Variants in INPP4A observed in about 807,000 individuals in gnomAD.
The protein encoded by INPP4A is inositol polyphosphate-4-phosphatase, type I, 107kD.
Under a neutral mutation model 119.8 loss-of-function variants are expected in INPP4A, and 33 were observed. That is an observed-to-expected ratio of 0.28 (90% CI 0.21 to 0.37). The LOEUF (loss-of-function observed/expected upper bound fraction) is 0.37. Ranked by LOEUF, INPP4A falls within the 10% of genes least tolerant of loss-of-function variation. The pLI, the probability that INPP4A is intolerant of heterozygous loss-of-function variation, is 1.00. For synonymous variants in INPP4A, 496 were observed against 500.7 expected, an observed-to-expected ratio of 0.99 and a Z score of 0.12; for missense variants, 956 against 1,289.9, an observed-to-expected ratio of 0.74 and a Z score of 3.97.
chr2:98,487,236 A>T (rs1679746875), intron 1 of INPP4A, among the ~76,000 whole-genome samples: 1 of 152,164 alleles, frequency 6.6e-6, no homozygotes, highest in African/African-American at 2.4e-5. Context: ...CCTAGTTTTT[A>T]ACCTAATTGT....
At position 98,565,766 on chromosome 2, in the gene INPP4A, G is replaced by A; in HGVS notation, c.2279G>A (p.Arg760His). The part of the protein sequence containing the change: ...ADMLPVITGN[R>H]DGFNVRVPLP... ...ATGCTGCCCGTCATCACAGGAAATC[G>A]GTAGAGTGTTGGTTTAAAATTCTCT... The change falls in exon 20 of 25, where the codon CGC (arginine) becomes CAC (histidine). Residue 760 changes from arginine to histidine, a missense_variant and splice_region_variant. Coordinates refer to ENST00000409851, the MANE Select transcript of INPP4A (RefSeq NM_001134225.2). 6.2e-7 allele frequency: 1 copy of A among 1,611,468 alleles called. No homozygotes were observed. The highest frequency in any genetic ancestry group is 8.5e-7 in the Non-Finnish European group (1 of 1,179,150).
intron 16 of INPP4A, among the ~76,000 whole-genome samples, chr2:98,557,724 G>A (rs1410239726): frequency 6.6e-6 from 1 of 152,268 alleles, no homozygotes; most frequent in Non-Finnish European, 1.5e-5. Flanking sequence ...AGAGAGCACT[G>A]TCTGGCAGGT....
In INPP4A at chr2:98,549,406, G is replaced by A. The variant is rs149199779; in HGVS notation, c.1163+2712G>A. Among the ~76,000 whole-genome samples, 344 of 152,282 alleles carry A rather than the reference G, an allele frequency of 2.3e-3. 2 individuals carry two copies. Among genetic ancestry groups the A allele is most frequent in the African/African-American group, 7.9e-3 (330 of 41,542 alleles). ...TGAAGCCAGCCTACATCTTCATGAT[G>A]CTTATTAATTTATGCTGATTTTAAT... On this transcript the variant is annotated intron_variant, in intron 13 of 24. Transcript: ENST00000409851.
chr2:98,486,320 A>G (rs1271728342), intron 1 of INPP4A, among the ~76,000 whole-genome samples: 1 of 152,216 alleles, frequency 6.6e-6, no homozygotes, highest in Non-Finnish European at 1.5e-5. Flanking sequence ...TGGGGTCCCA[A>G]AAGTCTAGGA....
chr2:98,498,413 A>G (rs1283740167), intron 1 of INPP4A, among the ~76,000 whole-genome samples: 2 of 152,054 alleles, frequency 1.3e-5, no homozygotes, highest in Non-Finnish European at 2.9e-5. Context: ...CCCCAACCAC[A>G]TGGAACTGAG....
chr2:98,463,258 G>C (rs74440622), intron 1 of INPP4A, among the ~76,000 whole-genome samples: 1 of 152,208 alleles, frequency 6.6e-6, no homozygotes, highest in African/African-American at 2.4e-5. Context: ...CCTATCAAGC[G>C]GCCAACTCAA....
intron 1 of INPP4A, among the ~76,000 whole-genome samples, chr2:98,465,395 G>A (rs1674529667): frequency 6.6e-6 from 1 of 152,234 alleles, no homozygotes; most frequent in African/African-American, 2.4e-5. Flanking sequence ...AAGGACATTT[G>A]TGATGGCATT....
intron 16 of INPP4A, among the ~76,000 whole-genome samples, chr2:98,557,885 C>T (rs759161043): frequency 3.4e-4 from 52 of 151,228 alleles, no homozygotes; most frequent in Admixed American, 5.9e-4. Context: ...GCACCACTAT[C>T]GCCCCACCAG....
intron 1 of INPP4A, among the ~76,000 whole-genome samples, chr2:98,482,920 A>AGAGG (rs1678772517): frequency 6.6e-6 from 1 of 152,244 alleles, no homozygotes; most frequent in Non-Finnish European, 1.5e-5. Context: ...TTCAGAGGAA[A>AGAGG]TGCTTATTGG....
rs781246959 is a variant in INPP4A, at chr2:98,587,638, A to G, written c.*30A>G. 20 of 1,564,772 alleles carry G rather than the reference A, an allele frequency of 1.3e-5. No homozygotes were observed. The Admixed American group carries it at 1.8e-4, about 14-fold the overall frequency. The stretch of plus-strand genomic sequence containing the variant: ...ACGGTTTCCTCTAATTAGCTGTTAC[A>G]TAATAAATGTGGGTACCCTCTAGTG... On this transcript the variant is annotated 3_prime_UTR_variant, in exon 25 of 25. Coordinates refer to ENST00000409851, the MANE Select transcript of INPP4A (RefSeq NM_001134225.2).
At chr2:98,444,693 A>C (rs1054482849), upstream of INPP4A, among the ~76,000 whole-genome samples, 12 of 152,168 alleles carry the variant, frequency 7.9e-5, no homozygotes, top group Non-Finnish European at 1.3e-4. Context: ...TCTTGTGGGA[A>C]CCTAGCAGTA....
intron 1 of INPP4A, among the ~76,000 whole-genome samples, chr2:98,513,895 C>T (rs1247533951): frequency 2.0e-5 from 3 of 152,198 alleles, no homozygotes; most frequent in African/African-American, 7.2e-5. Flanking sequence ...AGAAAGTCCT[C>T]CTAGGTGCCC....
intron 16 of INPP4A, among the ~76,000 whole-genome samples, chr2:98,558,757 G>T (rs942352664): frequency 2.0e-5 from 3 of 152,152 alleles, no homozygotes; most frequent in Admixed American, 6.5e-5. Flanking sequence ...AGAAATTTTG[G>T]TTTTTAAGGG....
chr2:98,471,639 G>C (rs1676032718), intron 1 of INPP4A, among the ~76,000 whole-genome samples: 1 of 152,194 alleles, frequency 6.6e-6, no homozygotes, highest in Admixed American at 6.5e-5. Context: ...AGTAGACTGT[G>C]TAGATTTGAA....
intron 4 of INPP4A, among the ~76,000 whole-genome samples, chr2:98,531,858 G>A (rs1437577724): frequency 1.3e-5 from 2 of 152,218 alleles, no homozygotes; most frequent in Non-Finnish European, 2.9e-5. Context: ...ATTCCAGATG[G>A]ACGTTCACCA....
At chr2:98,526,276 G>T (rs537547316) in intron 4 of INPP4A, among the ~76,000 whole-genome samples, 13 of 152,278 alleles carry the variant, frequency 8.5e-5, no homozygotes, top group African/African-American at 2.9e-4. Context: ...TGAAAAAGTT[G>T]TGCTATCTTG....
intron 10 of INPP4A, among the ~76,000 whole-genome samples, chr2:98,543,569 GCTT>G (rs1377873195): frequency 1.3e-5 from 2 of 152,218 alleles, no homozygotes; most frequent in Non-Finnish European, 2.9e-5. Context: ...TCAGGGTAAA[GCTT>G]CTCCCTAGCA....
chr2:98,578,884 A>C (rs1001377878), intron 24 of INPP4A, among the ~76,000 whole-genome samples: 7 of 152,260 alleles, frequency 4.6e-5, no homozygotes, highest in Non-Finnish European at 1.0e-4. Context: ...TGTCTAGATA[A>C]GAGACATGCG....
intron 1 of INPP4A, among the ~76,000 whole-genome samples, chr2:98,472,868 T>A (rs1018226068): frequency 6.6e-6 from 1 of 152,192 alleles, no homozygotes; most frequent in African/African-American, 2.4e-5. Flanking sequence ...CTCCATGAGG[T>A]GCTCTTTCCT....
Sources: gnomAD v4.1 joint callset for allele counts (sites outside exome capture counted in the v4.1 genomes callset) on GRCh38, gnomAD v4.1.1 for gene constraint, MANE v1.5 for transcripts, NCBI Gene and HGNC (gene_info 2026-07-23, HGNC 2026-07-21) for gene names.